IQSEC3: variants seen among roughly 807,000 people sequenced by gnomAD.
IQSEC3 encodes the protein IQ motif and SEC7 domain-containing protein 3.
In IQSEC3, 50 loss-of-function variants were observed where a neutral mutation model predicts 105.4. That is an observed-to-expected ratio of 0.47 (90% CI 0.38 to 0.60). IQSEC3 has a LOEUF of 0.60. Ranked by LOEUF, IQSEC3 falls within the 20% of genes least tolerant of loss-of-function variation. The pLI is 0.00. For synonymous variants in IQSEC3, 708 were observed against 746.0 expected (o/e 0.95, Z 0.83); for missense variants, 1,415 against 1,630.0 (o/e 0.87, Z 2.27).
intron 3 of IQSEC3, among the ~76,000 whole-genome samples, chr12:127,414 G>A (rs1374003251): frequency 2.6e-5 from 4 of 152,218 alleles, no homozygotes; most frequent in Admixed American, 6.5e-5. Flanking sequence ...AGCTACTCAG[G>A]AGGCTGAGGC....
chr12:80,608 G>A (rs1022476149), intron 1 of IQSEC3, among the ~76,000 whole-genome samples: 1 of 152,152 alleles, frequency 6.6e-6, no homozygotes, highest in African/African-American at 2.4e-5. Flanking sequence ...TTTATTATCT[G>A]CTGTGTGCCA....
chr12:174,315 C>G lies in IQSEC3; in HGVS notation c.3115-284C>G, dbSNP rs76223711. On this transcript the variant is annotated intron_variant, in intron 13 of 13. Coordinates refer to ENST00000538872, the MANE Select transcript of IQSEC3 (RefSeq NM_001170738.2). ...CACCCAGCAGGTCCATGAAATCAGG[C>G]AGCAGATGTATGCAGAGCCCATCTC... Among the ~76,000 whole-genome samples the G allele has an allele frequency of 4.2e-3, 636 of 152,258 alleles. 2 individuals carry two copies. Among genetic ancestry groups the G allele is most frequent in the Middle Eastern group, 0.017 (5 of 294 alleles).
At chr12:93,049 T>C (rs1487480278) in intron 1 of IQSEC3, among the ~76,000 whole-genome samples, 2 of 152,228 alleles carry the variant, frequency 1.3e-5, no homozygotes, top group African/African-American at 4.8e-5. Context: ...ATAATGTGCC[T>C]TGCCATTCGC....
rs537995610 is a variant in IQSEC3 at position 106,694 on chromosome 12, G to A, written c.623+7480G>A. 4.4e-3 allele frequency: 676 copies of A among 152,326 alleles called. 6 individuals are homozygous for A. The highest frequency in any genetic ancestry group is 0.015 in the African/African-American group (620 of 41,566). The allele number at this position is 152,326 out of a possible 1,614,324, so 9.4% of individuals were successfully genotyped here. A position where few individuals can be genotyped will look rare whatever the true frequency, so the allele number is the denominator to read the frequency against. ...AAATATGTTCTTGTTTCATTTACTG[G>A]AAGCTTCTTGTTGGAATCTTTTGTA... On this transcript the variant is annotated intron_variant, in intron 2 of 13. Transcript: ENST00000538872.
intron 2 of IQSEC3, 151 bp from the exon 3 acceptor site, chr12:125,482 C>A (rs1466306999): frequency 4.1e-6 from 3 of 736,124 alleles, no homozygotes; most frequent in African/African-American, 3.7e-5. Context: ...CATGGTAGCC[C>A]CTCCCTAGAG....
chr12:114,737 G>A (rs1555080301), intron 2 of IQSEC3, among the ~76,000 whole-genome samples: 1 of 152,222 alleles, frequency 6.6e-6, no homozygotes, highest in Non-Finnish European at 1.5e-5. Flanking sequence ...TTGACTGCCT[G>A]TTCTCCTGAG....
intron 7 of IQSEC3, among the ~76,000 whole-genome samples, chr12:159,096 A>G (rs1266560362): frequency 6.6e-6 from 1 of 152,010 alleles, no homozygotes; most frequent in Non-Finnish European, 1.5e-5. Context: ...CTGCACACAC[A>G]CTCCAAAGCT....
At position 171,611 on chromosome 12, in the gene IQSEC3, A is replaced by G. The variant is rs1173193604; in HGVS notation, c.3114+450A>G. 4 of 508,174 alleles carry G rather than the reference A, an allele frequency of 7.9e-6. 1 individual carries two copies. The highest frequency in any genetic ancestry group is 3.4e-5 in the East Asian group (1 of 29,564). The allele number at this position is 508,174 out of a possible 1,614,324, so 31.5% of individuals were successfully genotyped here. A position where few individuals can be genotyped will look rare whatever the true frequency, so the allele number is the denominator to read the frequency against. ...GGGCTCCCTCGGAGAATTACCCCTTAGGCCCCAAACGATCACTTCTGGGGC... is the reference window on the plus strand; with the variant it reads ...GGGCTCCCTCGGAGAATTACCCCTTGGGCCCCAAACGATCACTTCTGGGGC... On this transcript the variant is annotated intron_variant, in intron 13 of 13. Coordinates refer to ENST00000538872, the MANE Select transcript of IQSEC3 (RefSeq NM_001170738.2).
chr12:154,053 C>A (rs1233866034), intron 5 of IQSEC3, among the ~76,000 whole-genome samples: 1 of 152,198 alleles, frequency 6.6e-6, no homozygotes, highest in Non-Finnish European at 1.5e-5. Flanking sequence ...GCCCTTCCAG[C>A]TCCACAGCCC....
intron 2 of IQSEC3, among the ~76,000 whole-genome samples, chr12:100,395 G>T (rs1335876832): frequency 6.6e-6 from 1 of 152,186 alleles, no homozygotes; most frequent in African/African-American, 2.4e-5. Flanking sequence ...ATGATTCTGT[G>T]ATCTTTCCCC....
At chr12:103,404 G>T (rs1464325475) in intron 2 of IQSEC3, among the ~76,000 whole-genome samples, 1 of 132,902 alleles carries the variant, frequency 7.5e-6, no homozygotes. Flanking sequence ...CTCAGAAGAC[G>T]AAGTGGGGCT....
At position 99,211 on chromosome 12, in the gene IQSEC3, A is replaced by G. The variant is rs1371890440; in HGVS notation, c.620A>G (p.Gln207Arg). Residue 207 changes from glutamine (Q) to arginine (R), a missense_variant, in exon 2 of 14, where the codon CAA becomes CGA. Transcript: ENST00000538872. ...GACGCCTGCTCCGACCTGGCCTCCC[A>G]AAGGTGGGAACTGTGGCCCTTCCTC... is the stretch of plus-strand genomic sequence containing the variant. ...AADACSDLAS[Q>R]SDGSCTQAGG... is the part of the protein sequence containing the mutation. 3 of 1,598,448 alleles carry G rather than the reference A, an allele frequency of 1.9e-6. No homozygotes were observed. Among genetic ancestry groups the G allele is most frequent in the Admixed American group, 3.3e-5 (2 of 59,924 alleles).
chr12:112,398 C>A (rs1356885761), intron 2 of IQSEC3, among the ~76,000 whole-genome samples: 1 of 152,092 alleles, frequency 6.6e-6, no homozygotes, highest in African/African-American at 2.4e-5. Context: ...GTTTGCTGAC[C>A]TAAGCCAATT....
At chr12:134,851 C>T (rs1174608697) in intron 3 of IQSEC3, among the ~76,000 whole-genome samples, 1 of 151,414 alleles carries the variant, frequency 6.6e-6, no homozygotes, top group Admixed American at 6.6e-5. Context: ...TCTGGCCGGG[C>T]ACGGTGGCTC....
intron 7 of IQSEC3, 42 bp from the exon 8 acceptor site, chr12:161,884 C>T (rs781937701): frequency 3.0e-5 from 46 of 1,533,290 alleles, no homozygotes; most frequent in Non-Finnish European, 3.2e-5. Flanking sequence ...GACACCCTCC[C>T]TCCCAACCCC....
rs748013791 is a variant in IQSEC3 at position 174,943 on chromosome 12, AC to A, written c.3465del (p.Tyr1156ThrfsTer63). 8.9e-6 allele frequency: 5 copies of A among 564,716 alleles called. No individual in the cohort carries two copies. The highest frequency in any genetic ancestry group is 1.3e-5 in the Non-Finnish European group (5 of 371,464). The allele number at this position is 564,716 out of a possible 1,614,324, so 35.0% of individuals were successfully genotyped here. A position where few individuals can be genotyped will look rare whatever the true frequency, so the allele number is the denominator to read the frequency against. Reference sequence around the variant, plus strand: ...ACCAGCCTCCGCTGCCCCCGCCCCCACCCCCCTACAACCACCCTCACCAGTT... The same window carrying A: ...ACCAGCCTCCGCTGCCCCCGCCCCCACCCCCTACAACCACCCTCACCAGTT... ...THQPPLPPPPPPYNHPHQFCP... is the reference protein window; with the variant it reads ...THQPPLPPPPXPYNHPHQFCP... On this transcript the variant is annotated frameshift_variant, in exon 14 of 14. Coordinates refer to ENST00000538872, the MANE Select transcript of IQSEC3 (RefSeq NM_001170738.2). LOFTEE classifies it high-confidence loss of function.
At chr12:165,335 C>T (rs1867114303) in intron 9 of IQSEC3, 99 bp from the exon 10 acceptor site, 14 of 841,650 alleles carry the variant, frequency 1.7e-5, no homozygotes, top group Non-Finnish European at 1.8e-5. Context: ...TTCATCACTG[C>T]GTGGGTTTGT....
chr12:161,814 G>C (rs782615007), intron 7 of IQSEC3, 112 bp from the exon 8 acceptor site: 3 of 1,107,752 alleles, frequency 2.7e-6, no homozygotes, highest in Non-Finnish European at 3.8e-6. Flanking sequence ...CAAGAACCAA[G>C]GCCACCCCCC....
intron 4 of IQSEC3, 111 bp downstream of exon 4, chr12:139,465 G>A: frequency 2.3e-6 from 2 of 853,016 alleles, no homozygotes; most frequent in East Asian, 2.8e-5. Flanking sequence ...CCCACGTCAT[G>A]CCAGGGTCCT....
Sources: allele counts gnomAD v4.1 joint callset (sites outside exome capture counted in the v4.1 genomes callset), GRCh38; gene constraint gnomAD v4.1.1; transcripts MANE v1.5; gene names NCBI Gene and HGNC (gene_info 2026-07-23, HGNC 2026-07-21).